Variants in MEGF9 observed in about 807,000 individuals in gnomAD.
The protein encoded by MEGF9 is multiple EGF like domains 9, also known as multiple epidermal growth factor-like domains protein 9.
A neutral mutation model predicts 46.8 loss-of-function variants in MEGF9; 6 were observed. The observed-to-expected ratio is 0.13, with a 90% confidence interval of 0.07 to 0.25. The LOEUF (loss-of-function observed/expected upper bound fraction) is 0.25, where lower values mean the gene tolerates loss of function less well. Ranked by LOEUF, MEGF9 falls within the 10% of genes least tolerant of loss-of-function variation. MEGF9 has a pLI of 1.00. For missense variants in MEGF9, 683 were observed against 792.4 expected (o/e 0.86, Z 1.66); for synonymous variants, 302 against 330.7 (o/e 0.91, Z 0.94).
intron 3 of MEGF9, among the ~76,000 whole-genome samples, chr9:120,614,345 T>G (rs558036214): frequency 1.3e-5 from 2 of 152,346 alleles, no homozygotes; most frequent in African/African-American, 4.8e-5. Flanking sequence ...ATAAATTTAT[T>G]GTGAAAGATA....
intron 2 of MEGF9, among the ~76,000 whole-genome samples, chr9:120,628,645 A>G (rs1053124370): frequency 6.6e-6 from 1 of 152,018 alleles, no homozygotes; most frequent in Non-Finnish European, 1.5e-5. Context: ...TTACAGAAGA[A>G]GAACCCCAAA....
intron 3 of MEGF9, among the ~76,000 whole-genome samples, chr9:120,621,798 G>A (rs556529901): frequency 6.6e-6 from 1 of 152,248 alleles, no homozygotes; most frequent in Admixed American, 6.5e-5. Context: ...TATAATGAGA[G>A]AATTACTTCA....
chr9:120,638,709 T>C (rs571315084), intron 2 of MEGF9, among the ~76,000 whole-genome samples: 92 of 152,376 alleles, frequency 6.0e-4, no homozygotes, highest in African/African-American at 2.2e-3. Context: ...TGAAGTAGCA[T>C]CACAACATGG....
intron 1 of MEGF9, among the ~76,000 whole-genome samples, chr9:120,687,343 CT>C (rs1255500150): frequency 6.6e-6 from 1 of 152,088 alleles, no homozygotes; most frequent in Admixed American, 6.5e-5. Flanking sequence ...GAATCAGAAC[CT>C]GCAGTATCAT....
intron 1 of MEGF9, among the ~76,000 whole-genome samples, chr9:120,663,414 G>C (rs748222268): frequency 2.0e-5 from 3 of 152,226 alleles, no homozygotes; most frequent in Non-Finnish European, 4.4e-5. Flanking sequence ...CACAGGTCTA[G>C]ACATTTGTGC....
At chr9:120,707,334 C>T (rs2043933378) in intron 1 of MEGF9, among the ~76,000 whole-genome samples, 1 of 152,186 alleles carries the variant, frequency 6.6e-6, no homozygotes, top group African/African-American at 2.4e-5. Flanking sequence ...ACTCCGAATA[C>T]ATTTGGCAAC....
chr9:120,692,670 C>T (rs758298820), intron 1 of MEGF9, among the ~76,000 whole-genome samples: 2 of 152,140 alleles, frequency 1.3e-5, no homozygotes, highest in Admixed American at 6.6e-5. Flanking sequence ...GTTCCACCTT[C>T]ATGTACCTTT....
chr9:120,627,775 T>G (rs1019806988), intron 2 of MEGF9, among the ~76,000 whole-genome samples: 3 of 152,334 alleles, frequency 2.0e-5, no homozygotes, highest in East Asian at 1.9e-4. Flanking sequence ...TAGTTCTAAT[T>G]AGAGAAAATT....
intron 1 of MEGF9, among the ~76,000 whole-genome samples, chr9:120,692,022 G>A (rs143539056): frequency 1.1e-3 from 166 of 152,016 alleles, no homozygotes; most frequent in African/African-American, 3.4e-3. Context: ...TCTTATCTTC[G>A]GTTTCCTCAT....
intron 2 of MEGF9, among the ~76,000 whole-genome samples, chr9:120,637,790 CAA>C (rs34861368): frequency 5.8e-5 from 2 of 34,776 alleles, no homozygotes; most frequent in Non-Finnish European, 9.8e-5. Flanking sequence ...GACTCTGTCT[CAA>C]AAAAAAAAAA....
chr9:120,668,599 T>C (rs1474601163), intron 1 of MEGF9, among the ~76,000 whole-genome samples: 3 of 152,218 alleles, frequency 2.0e-5, no homozygotes, highest in African/African-American at 7.2e-5. Context: ...TTTTCCACAA[T>C]TCAGAGATAA....
chr9:120,612,818 C>T (rs1050006775), intron 3 of MEGF9, among the ~76,000 whole-genome samples: 21 of 151,600 alleles, frequency 1.4e-4, no homozygotes, highest in African/African-American at 3.1e-4. Flanking sequence ...AGCAACTATA[C>T]GCCAAGGAGA....
At chr9:120,683,416 T>C (rs1002809541) in intron 1 of MEGF9, among the ~76,000 whole-genome samples, 13 of 152,134 alleles carry the variant, frequency 8.5e-5, no homozygotes, top group Non-Finnish European at 1.3e-4. Context: ...TGGGAGGTGA[T>C]TGGATCACAG....
At chr9:120,622,589 C>T (rs1335404420) in intron 3 of MEGF9, 27 bp downstream of exon 3, 1 of 1,610,936 alleles carries the variant, frequency 6.2e-7, no homozygotes, top group African/African-American at 1.3e-5. Context: ...GGAATAATTA[C>T]ATGACAAAGT....
intron 2 of MEGF9, among the ~76,000 whole-genome samples, chr9:120,634,448 T>TC (rs1420601369): frequency 2.4e-4 from 14 of 58,938 alleles, no homozygotes; most frequent in Admixed American, 7.3e-4. Context: ...TGGAATATCT[T>TC]TTTTTTTTTT....
At chr9:120,639,875 A>G (rs550881821) in intron 2 of MEGF9, among the ~76,000 whole-genome samples, 3 of 152,288 alleles carry the variant, frequency 2.0e-5, no homozygotes, top group African/African-American at 7.2e-5. Flanking sequence ...GAAAGGTTCA[A>G]ACTCATTTTC....
chr9:120,670,717 G>C (rs553637182), intron 1 of MEGF9, among the ~76,000 whole-genome samples: 1 of 151,976 alleles, frequency 6.6e-6, no homozygotes, highest in Non-Finnish European at 1.5e-5. Flanking sequence ...AGGCTAGCCA[G>C]CTCCTTCCAA....
At chr9:120,657,039 T>C (rs948999911) in intron 2 of MEGF9, among the ~76,000 whole-genome samples, 1 of 152,174 alleles carries the variant, frequency 6.6e-6, no homozygotes, top group Non-Finnish European at 1.5e-5. Context: ...TGGGTAAACT[T>C]TTTCCAAAAA....
chr9:120,673,116 A>G (rs2043757538), intron 1 of MEGF9, among the ~76,000 whole-genome samples: 3 of 152,244 alleles, frequency 2.0e-5, no homozygotes, highest in Admixed American at 6.5e-5. Context: ...TGGAATTTTT[A>G]AAATTTTAAT....
Sources: gnomAD v4.1 joint callset for allele counts (sites outside exome capture counted in the v4.1 genomes callset) on GRCh38, gnomAD v4.1.1 for gene constraint, MANE v1.5 for transcripts, NCBI Gene and HGNC (gene_info 2026-07-23, HGNC 2026-07-21) for gene names.